The following MLXIP variants were observed in gnomAD, a reference collection of about 807,000 sequenced individuals.
MLXIP encodes the protein MLX interacting protein, also known as MLX-interacting protein.
Under a neutral mutation model 87.2 loss-of-function variants are expected in MLXIP, and 30 were observed. The ratio of observed to expected loss-of-function variants is 0.34; its 90% confidence interval spans 0.26 to 0.47. The LOEUF is 0.47. Among genes scored for constraint, MLXIP ranks in the 20% least tolerant of loss-of-function variants. The pLI is 1.00. For synonymous variants in MLXIP, 530 were observed against 514.0 expected (o/e 1.03, Z -0.42); for missense variants, 1,002 against 1,240.1 (o/e 0.81, Z 2.88).
chr12:122,082,170 G>T lies in MLXIP; in HGVS notation c.413+2904G>T, dbSNP rs539751203. Reference sequence around the variant, plus strand: ...GTGGAACAGGGTGTTTGAGGACTTGGATATGAGTGTGCCCAGGGCCTGCTG... The same window carrying T: ...GTGGAACAGGGTGTTTGAGGACTTGTATATGAGTGTGCCCAGGGCCTGCTG... On this transcript the variant is annotated intron_variant, in intron 1 of 16. Transcript: ENST00000319080. 5.9e-5 allele frequency among the ~76,000 whole-genome samples: 9 copies of T among 152,320 alleles called. No individual in the cohort carries two copies. The East Asian group carries it at 1.7e-3, about 29-fold the overall frequency.
At chr12:122,132,183 A>C in intron 7 of MLXIP, 109 bp from the exon 8 acceptor site, 1 of 784,554 alleles carries the variant, frequency 1.3e-6, no homozygotes, top group South Asian at 1.6e-5. Flanking sequence ...CGGCCTCCCA[A>C]AGTGCTGGGA....
intron 1 of MLXIP, among the ~76,000 whole-genome samples, chr12:122,094,526 T>TTG (rs1301883992): frequency 9.7e-6 from 1 of 102,968 alleles, no homozygotes; most frequent in African/African-American, 3.5e-5. Context: ...GGTGTGTGTG[T>TTG]TGTGTGTGGT....
intron 1 of MLXIP, among the ~76,000 whole-genome samples, chr12:122,096,150 T>C (rs1228445031): frequency 1.3e-5 from 2 of 152,094 alleles, no homozygotes; most frequent in Non-Finnish European, 2.9e-5. Context: ...TGATCATAGC[T>C]CACTGCAGCC....
chr12:122,133,118 G>A lies in MLXIP; in HGVS notation c.1093-230G>A, dbSNP rs748418070. On this transcript the variant is annotated intron_variant, in intron 8 of 16. Coordinates refer to ENST00000319080, the MANE Select transcript of MLXIP (RefSeq NM_014938.6). This position sits in a 1 kb window ranked among gnomAD's most constrained non-coding sequence, Gnocchi z 4.9. ...GCTGCTAGCCAGCTGTGTGAGGGCCGTTGCCTTATCTGAGCTCTGAGTTAT... is the reference window on the plus strand; with the variant it reads ...GCTGCTAGCCAGCTGTGTGAGGGCCATTGCCTTATCTGAGCTCTGAGTTAT... 2.0e-5 allele frequency: 9 copies of A among 459,446 alleles called. No homozygotes were observed. Among genetic ancestry groups the A allele is most frequent in the East Asian group, 6.7e-5 (2 of 29,816 alleles). The allele number at this position is 459,446 out of a possible 1,614,324, so 28.5% of individuals were successfully genotyped here.
intron 1 of MLXIP, among the ~76,000 whole-genome samples, chr12:122,098,671 G>A (rs1012653445): frequency 2.0e-5 from 3 of 152,202 alleles, no homozygotes; most frequent in South Asian, 4.1e-4. Context: ...AAAGTCACGG[G>A]GACTTGAGGG....
chr12:122,141,641 G>A (rs1443158460), intron 16 of MLXIP, 50 bp from the exon 17 acceptor site: 3 of 1,601,816 alleles, frequency 1.9e-6, no homozygotes, highest in East Asian at 2.2e-5. Context: ...AGTGTGCGGT[G>A]TGTGGTGGGT....
At position 122,138,285 on chromosome 12, in the gene MLXIP, A is replaced by G. The variant is rs1953130680; in HGVS notation, c.2246A>G (p.Asn749Ser). The G allele has an allele frequency of 3.1e-6, 5 of 1,613,736 alleles. No homozygotes were observed. The highest frequency in any genetic ancestry group is 4.2e-6 in the Non-Finnish European group (5 of 1,179,798). Residue 749 changes from asparagine (N) to serine (S), a missense_variant, in exon 13 of 17, where the codon AAT becomes AGT. Coordinates refer to ENST00000319080, the MANE Select transcript of MLXIP (RefSeq NM_014938.6). Reference protein sequence around the residue: ...FDMLNSLISNNSKLTSHAITL... With the variant: ...FDMLNSLISNSSKLTSHAITL... ...ATGCTCAACAGCCTCATCTCCAACA[A>G]TTCCAAGCTGGTGAGTTGCCAAGAG...
In MLXIP at chr12:122,141,821, C is replaced by A. The variant is rs775646085; in HGVS notation, c.*9C>A. ...GATTGGGAGAGTCCTAGCTGCTTAG[C>A]TGGCATGTGGCCGCATGAGATGCCA... On this transcript the variant is annotated 3_prime_UTR_variant, in exon 17 of 17. Transcript: ENST00000319080. The A allele has an allele frequency of 6.2e-6, 10 of 1,613,046 alleles. No homozygotes were observed. The South Asian group carries it at 1.1e-4, about 18-fold the overall frequency.
intron 1 of MLXIP, among the ~76,000 whole-genome samples, chr12:122,122,339 C>T (rs1190995244): frequency 6.6e-6 from 1 of 152,060 alleles, no homozygotes; most frequent in African/African-American, 2.4e-5. Flanking sequence ...GGGCTGCCCT[C>T]CACTGCTGCA....
At chr12:122,132,455 C>CATT in intron 8 of MLXIP, 72 bp downstream of exon 8, 5 of 1,230,448 alleles carry the variant, frequency 4.1e-6, no homozygotes, top group Non-Finnish European at 5.8e-6. Flanking sequence ...GGTTTGCTGC[C>CATT]AGAGCAAGGC....
chr12:122,088,987 T>C (rs988683756), intron 1 of MLXIP, among the ~76,000 whole-genome samples: 34 of 133,180 alleles, frequency 2.6e-4, no homozygotes, highest in African/African-American at 1.0e-3. Flanking sequence ...GCCTGGTCAA[T>C]GTAGTGAGAC....
intron 9 of MLXIP, 164 bp downstream of exon 9, chr12:122,134,151 A>G: frequency 1.2e-6 from 1 of 834,974 alleles, no homozygotes; most frequent in Non-Finnish European, 1.8e-6. Context: ...GAAATAATAC[A>G]TGGCCATGAT....
At position 122,113,681 on chromosome 12, in the gene MLXIP, C is replaced by CT. The variant is rs1173711241; in HGVS notation, c.414-13554dup. On this transcript the variant is annotated intron_variant, in intron 1 of 16. Transcript: ENST00000319080. ...ACAGTCCATATAACTGCCTTCATTT[C>CT]TTTTTTTTTTTTTTTTTTTTTGAGA... is the stretch of plus-strand genomic sequence containing the variant. Among the ~76,000 whole-genome samples the CT allele has an allele frequency of 2.4e-3, 240 of 100,670 alleles. 4 individuals are homozygous for CT. The highest frequency in any genetic ancestry group is 3.2e-3 in the East Asian group (10 of 3,132). 66.0% of individuals were successfully genotyped at this position (100,670 alleles called of 152,430 possible).
intron 1 of MLXIP, among the ~76,000 whole-genome samples, chr12:122,123,487 A>G (rs558507440): frequency 6.6e-6 from 1 of 152,270 alleles, no homozygotes; most frequent in East Asian, 1.9e-4. Context: ...TGACGTAAAC[A>G]CCCAAAGAAA....
chr12:122,115,673 A>C (rs1030256012), intron 1 of MLXIP, among the ~76,000 whole-genome samples: 2 of 152,126 alleles, frequency 1.3e-5, no homozygotes, highest in African/African-American at 4.8e-5. Context: ...AACAAGTAAA[A>C]GACAATGAAA....
rs1178917976 is a variant in MLXIP at position 122,078,859 on chromosome 12, C to T, written c.6C>T (p.Ala2=). The change falls in exon 1 of 17, where the codon GCC becomes GCT. Residue 2 remains alanine, a synonymous_variant. Coordinates refer to ENST00000319080, the MANE Select transcript of MLXIP (RefSeq NM_014938.6). ...CCCCCGGCCGAGCCCTTCTCATGGC[C>T]GCCGACGTCTTCATGTGCTCCCCGC... M[A]ADVFMCSPRR... is the part of the protein sequence containing the mutation. 1.8e-6 allele frequency: 2 copies of T among 1,092,842 alleles called. No individual in the cohort carries two copies. Among genetic ancestry groups the T allele is most frequent in the Non-Finnish European group, 1.1e-6 (1 of 897,738 alleles). The allele number at this position is 1,092,842 out of a possible 1,614,324, so 67.7% of individuals were successfully genotyped here.
rs767393514 is a variant in MLXIP, at chr12:122,141,040, C to G, written c.2595C>G (p.Leu865=). ...SSLEELHRTA[L]SWLDQHCSLP... ...TGGAGGAGCTGCACCGGACGGCGCT[C>G]TCCTGGCTGGACCAGCACTGCTCCC... Residue 865 remains leucine (L), a synonymous_variant, in exon 16 of 17, where the codon CTC becomes CTG. Coordinates refer to ENST00000319080, the MANE Select transcript of MLXIP (RefSeq NM_014938.6). The G allele has an allele frequency of 6.2e-7, 1 of 1,613,572 alleles. No homozygotes were observed.
At chr12:122,088,244 C>T (rs1248278629) in intron 1 of MLXIP, among the ~76,000 whole-genome samples, 2 of 152,150 alleles carry the variant, frequency 1.3e-5, no homozygotes, top group African/African-American at 2.4e-5. Flanking sequence ...TTCTGAGTGG[C>T]GTGGAATATG....
At chr12:122,138,121 C>A in intron 12 of MLXIP, 73 bp from the exon 13 acceptor site, 1 of 1,353,358 alleles carries the variant, frequency 7.4e-7, no homozygotes, top group Non-Finnish European at 1.0e-6. Context: ...CCAGGATCAG[C>A]GTAGGGGGTG....
Sources: gnomAD v4.1 joint callset for allele counts (sites outside exome capture counted in the v4.1 genomes callset) on GRCh38, gnomAD v4.1.1 for gene constraint, Gnocchi (gnomAD v3.1) non-coding constraint, MANE v1.5 for transcripts, NCBI Gene and HGNC (gene_info 2026-07-23, HGNC 2026-07-21) for gene names.